PPP3CA: variants seen among roughly 807,000 people sequenced by gnomAD.
PPP3CA encodes protein phosphatase 3 catalytic subunit alpha.
A neutral mutation model predicts 66.5 loss-of-function variants in PPP3CA; 14 were observed. That is an observed-to-expected ratio of 0.21 (90% CI 0.14 to 0.33). The LOEUF (loss-of-function observed/expected upper bound fraction) is 0.33, where lower values mean the gene tolerates loss of function less well. PPP3CA is among the 10% of genes least tolerant of loss of function. PPP3CA has a pLI of 1.00. For missense variants in PPP3CA, 317 were observed against 639.5 expected (o/e 0.50, Z 5.44); for synonymous variants, 232 against 226.2 (o/e 1.03, Z -0.23).
intron 1 of PPP3CA, among the ~76,000 whole-genome samples, chr4:101,267,547 G>C (rs1056972661): frequency 6.6e-6 from 1 of 152,130 alleles, no homozygotes; most frequent in African/African-American, 2.4e-5. Flanking sequence ...AATAATGGAA[G>C]TGCATGAAGC....
chr4:101,318,267 A>G (rs1028419701), intron 1 of PPP3CA, among the ~76,000 whole-genome samples: 3 of 152,226 alleles, frequency 2.0e-5, no homozygotes, highest in Non-Finnish European at 2.9e-5. Context: ...CCCCAGTGCC[A>G]ATTAAATTAT....
intron 1 of PPP3CA, among the ~76,000 whole-genome samples, chr4:101,271,010 C>G (rs1727320104): frequency 6.6e-6 from 1 of 151,990 alleles, no homozygotes; most frequent in Non-Finnish European, 1.5e-5. Context: ...GATTCAAACT[C>G]CTGGGCTCAA....
intron 2 of PPP3CA, among the ~76,000 whole-genome samples, chr4:101,176,439 C>T (rs937510320): frequency 5.9e-5 from 9 of 152,176 alleles, no homozygotes; most frequent in African/African-American, 2.2e-4. Flanking sequence ...AGAGAATCCA[C>T]AAGAGCATCT....
intron 1 of PPP3CA, among the ~76,000 whole-genome samples, chr4:101,261,339 A>T (rs1221375228): frequency 6.6e-6 from 1 of 152,154 alleles, no homozygotes. Flanking sequence ...AGAAAATACC[A>T]TAAAAGAAGG....
intron 1 of PPP3CA, among the ~76,000 whole-genome samples, chr4:101,222,316 A>C (rs537619237): frequency 6.6e-6 from 1 of 151,740 alleles, no homozygotes; most frequent in East Asian, 1.9e-4. Context: ...AGTGGACGCA[A>C]TTCATTTCCC....
At chr4:101,179,458 T>C (rs765916539) in intron 2 of PPP3CA, among the ~76,000 whole-genome samples, 9 of 152,244 alleles carry the variant, frequency 5.9e-5, no homozygotes, top group Admixed American at 2.0e-4. Context: ...ATCAAATTAA[T>C]AGAAACTCAG....
Position 101,089,102 on chromosome 4 carries a change from G to T in PPP3CA, c.782+4674C>A, listed in dbSNP as rs989976892. On this transcript the variant is annotated intron_variant, in intron 6 of 13. Coordinates refer to ENST00000394854, the MANE Select transcript of PPP3CA (RefSeq NM_000944.5). The stretch of plus-strand genomic sequence containing the variant: ...TTCCAGCAGACAACTAGACATACAG[G>T]AATTGAGCTCAGGAAAAGAGATGAA... 2.4e-4 allele frequency among the ~76,000 whole-genome samples: 36 copies of T among 152,120 alleles called. 1 individual carries two copies. Among genetic ancestry groups the T allele is most frequent in the Non-Finnish European group, 4.4e-5 (3 of 68,030 alleles).
intron 2 of PPP3CA, among the ~76,000 whole-genome samples, chr4:101,122,062 CA>C (rs2110274011): frequency 6.6e-6 from 1 of 152,240 alleles, no homozygotes; most frequent in Non-Finnish European, 1.5e-5. Flanking sequence ...CTGTTCCCTG[CA>C]CATGTTTCCT....
chr4:101,027,228 T>C (rs1726695889), intron 13 of PPP3CA, among the ~76,000 whole-genome samples: 2 of 150,950 alleles, frequency 1.3e-5, no homozygotes, highest in South Asian at 2.1e-4. Flanking sequence ...GATAATTTCA[T>C]GGTACCTTTA....
chr4:101,170,439 G>GT (rs1352462457), intron 2 of PPP3CA, among the ~76,000 whole-genome samples: 1 of 151,968 alleles, frequency 6.6e-6, no homozygotes. Flanking sequence ...GAGAGCATCA[G>GT]TCAGAATTTA....
intron 1 of PPP3CA, among the ~76,000 whole-genome samples, chr4:101,224,163 C>T (rs902929108): frequency 6.6e-6 from 1 of 151,674 alleles, no homozygotes; most frequent in Non-Finnish European, 1.5e-5. Flanking sequence ...GAAAGGGGTG[C>T]TATTAATAAT....
chr4:101,284,241 G>C (rs2850351), intron 1 of PPP3CA, among the ~76,000 whole-genome samples: 29,070 of 152,050 alleles, frequency 0.19, 3,450 homozygotes, highest in East Asian at 0.51. Context: ...TAACTTTCTG[G>C]AAATCTTGTA....
At chr4:101,259,176 C>A (rs1026056242) in intron 1 of PPP3CA, among the ~76,000 whole-genome samples, 5 of 152,154 alleles carry the variant, frequency 3.3e-5, no homozygotes, top group African/African-American at 1.2e-4. Context: ...AGCCACCCCC[C>A]ACATACCAAC....
At chr4:101,241,311 A>C (rs1726301694) in intron 1 of PPP3CA, among the ~76,000 whole-genome samples, 2 of 152,142 alleles carry the variant, frequency 1.3e-5, no homozygotes, top group South Asian at 4.1e-4. Context: ...GCTGCTTCAT[A>C]GTTTTGACAG....
intron 2 of PPP3CA, among the ~76,000 whole-genome samples, chr4:101,160,029 A>C (rs2110305791): frequency 6.6e-6 from 1 of 152,282 alleles, no homozygotes; most frequent in South Asian, 2.1e-4. Flanking sequence ...GCATCATTAT[A>C]ATAATCAAGC....
intron 2 of PPP3CA, among the ~76,000 whole-genome samples, chr4:101,155,995 C>T (rs575766224): frequency 6.6e-6 from 1 of 152,170 alleles, no homozygotes; most frequent in Non-Finnish European, 1.5e-5. Context: ...GGGACCCTTA[C>T]ATGCATTTAG....
intron 2 of PPP3CA, among the ~76,000 whole-genome samples, chr4:101,140,884 T>C (rs1722786273): frequency 6.6e-6 from 1 of 152,188 alleles, no homozygotes; most frequent in Non-Finnish European, 1.5e-5. Context: ...GTTTTTAGTA[T>C]TCTACCCACA....
At chr4:101,127,703 A>G (rs1458465617) in intron 2 of PPP3CA, among the ~76,000 whole-genome samples, 1 of 152,214 alleles carries the variant, frequency 6.6e-6, no homozygotes, top group Non-Finnish European at 1.5e-5. Flanking sequence ...CAAATACACC[A>G]AATGTATTAC....
chr4:101,073,530 C>T (rs1318828206), intron 8 of PPP3CA, among the ~76,000 whole-genome samples: 1 of 152,068 alleles, frequency 6.6e-6, no homozygotes, highest in African/African-American at 2.4e-5. Context: ...CCGCCTCAGC[C>T]TCTCAAAGTG....
Sources: gnomAD v4.1 joint callset for allele counts (sites outside exome capture counted in the v4.1 genomes callset) on GRCh38, gnomAD v4.1.1 for gene constraint, MANE v1.5 for transcripts, NCBI Gene and HGNC (gene_info 2026-07-23, HGNC 2026-07-21) for gene names.